The following CAMK2D variants were observed in gnomAD, a reference collection of about 807,000 sequenced individuals.
CAMK2D encodes the protein calcium/calmodulin dependent protein kinase II delta, also known as calcium/calmodulin-dependent protein kinase type II subunit delta.
Under a neutral mutation model 84.0 loss-of-function variants are expected in CAMK2D, and 37 were observed. The observed-to-expected ratio is 0.44, with a 90% confidence interval of 0.34 to 0.58. The LOEUF is 0.58. Ranked by LOEUF, CAMK2D falls within the 20% of genes least tolerant of loss-of-function variation. CAMK2D has a pLI of 0.02. For missense variants in CAMK2D, 448 were observed against 652.5 expected (o/e 0.69, Z 3.41); for synonymous variants, 202 against 212.5 (o/e 0.95, Z 0.43).
At chr4:113,572,624 A>T (rs1350814623) in intron 4 of CAMK2D, among the ~76,000 whole-genome samples, 7 of 152,336 alleles carry the variant, frequency 4.6e-5, no homozygotes, top group Admixed American at 4.6e-4. Flanking sequence ...TTAAAAAGTC[A>T]AAAAATAACA....
At chr4:113,670,718 T>G (rs1400769205) in intron 2 of CAMK2D, among the ~76,000 whole-genome samples, 1 of 147,896 alleles carries the variant, frequency 6.8e-6, no homozygotes, top group Non-Finnish European at 1.5e-5. Flanking sequence ...GGACCCAGAA[T>G]GGAAACAAGG....
At chr4:113,588,390 C>A (rs979167451) in intron 4 of CAMK2D, among the ~76,000 whole-genome samples, 10 of 152,162 alleles carry the variant, frequency 6.6e-5, no homozygotes, top group African/African-American at 2.4e-4. Context: ...TTAAGTACAT[C>A]ATAAATACCA....
At chr4:113,726,874 C>T (rs1033750328) in intron 2 of CAMK2D, among the ~76,000 whole-genome samples, 2 of 151,968 alleles carry the variant, frequency 1.3e-5, no homozygotes, top group African/African-American at 2.4e-5. Context: ...TTTTGAAACC[C>T]GATACAGTTC....
chr4:113,474,615 A>G (rs1250653395), intron 16 of CAMK2D, among the ~76,000 whole-genome samples: 2 of 149,468 alleles, frequency 1.3e-5, no homozygotes, highest in Non-Finnish European at 3.0e-5. Flanking sequence ...AACGGAGCAT[A>G]TATCTTTCAG....
At chr4:113,733,127 G>C (rs187717302) in intron 2 of CAMK2D, among the ~76,000 whole-genome samples, 13 of 152,306 alleles carry the variant, frequency 8.5e-5, no homozygotes, top group African/African-American at 2.6e-4. Flanking sequence ...TATGTGCAGA[G>C]ACAGAGACTG....
Position 113,482,697 on chromosome 4 carries a change from A to G in CAMK2D, c.1136-17093T>C, listed in dbSNP as rs933440929. 2.0e-5 allele frequency among the ~76,000 whole-genome samples: 3 copies of G among 152,252 alleles called. No homozygotes were observed. The South Asian group carries it at 6.2e-4, about 32-fold the overall frequency. On this transcript the variant is annotated intron_variant, in intron 16 of 20. Coordinates refer to ENST00000511664, the MANE Select transcript of CAMK2D (RefSeq NM_001321571.2). ...GTTTTTAAAGAAAACACAATTGAGTAGTTTGGAAATGTTCAGAACTCATCA... is the reference window on the plus strand; with the variant it reads ...GTTTTTAAAGAAAACACAATTGAGTGGTTTGGAAATGTTCAGAACTCATCA...
chr4:113,488,034 T>A (rs1422422636), intron 16 of CAMK2D, among the ~76,000 whole-genome samples: 1 of 151,996 alleles, frequency 6.6e-6, no homozygotes, highest in Non-Finnish European at 1.5e-5. Context: ...TCAAATCAGA[T>A]CCTTGCTGAC....
intron 2 of CAMK2D, among the ~76,000 whole-genome samples, chr4:113,674,237 T>C (rs958983484): frequency 2.6e-5 from 4 of 152,262 alleles, no homozygotes; most frequent in African/African-American, 9.6e-5. Flanking sequence ...ATCATCTTAT[T>C]GATTCTGATA....
At chr4:113,663,591 A>G (rs1204816476) in intron 2 of CAMK2D, among the ~76,000 whole-genome samples, 1 of 78,662 alleles carries the variant, frequency 1.3e-5, no homozygotes, top group East Asian at 4.8e-4. Context: ...TCTGTCTAAA[A>G]ATAATAATAA....
At chr4:113,460,907 G>A (rs912910671) in intron 17 of CAMK2D, among the ~76,000 whole-genome samples, 1 of 151,948 alleles carries the variant, frequency 6.6e-6, no homozygotes, top group Non-Finnish European at 1.5e-5. Flanking sequence ...GCCCAGGCTC[G>A]TCTCGGACTC....
chr4:113,494,558 A>G (rs2154143049), intron 16 of CAMK2D, among the ~76,000 whole-genome samples: 1 of 152,332 alleles, frequency 6.6e-6, no homozygotes, highest in East Asian at 1.9e-4. Flanking sequence ...TCAGACAGGG[A>G]CATTTAAGTC....
chr4:113,745,515 A>T (rs1339830443), intron 2 of CAMK2D, among the ~76,000 whole-genome samples: 1 of 152,146 alleles, frequency 6.6e-6, no homozygotes, highest in African/African-American at 2.4e-5. Context: ...GTCATATGTT[A>T]TTATCTTCAT....
chr4:113,522,470 C>T (rs1268616216), intron 8 of CAMK2D, among the ~76,000 whole-genome samples: 1 of 152,106 alleles, frequency 6.6e-6, no homozygotes, highest in Non-Finnish European at 1.5e-5. Flanking sequence ...ACCTAAATGG[C>T]CAATGAAGGG....
intron 2 of CAMK2D, among the ~76,000 whole-genome samples, chr4:113,714,275 C>T (rs2099505752): frequency 6.6e-6 from 1 of 152,018 alleles, no homozygotes; most frequent in African/African-American, 2.4e-5. Context: ...TTTCCTTTTC[C>T]CTGTACCAAT....
intron 4 of CAMK2D, among the ~76,000 whole-genome samples, chr4:113,555,601 C>A (rs903663692): frequency 6.6e-6 from 1 of 152,184 alleles, no homozygotes. Flanking sequence ...TGCTGCCTTG[C>A]ATTTAAGCAA....
intron 2 of CAMK2D, among the ~76,000 whole-genome samples, chr4:113,682,442 A>C (rs1316464665): frequency 1.3e-5 from 2 of 152,020 alleles, no homozygotes; most frequent in East Asian, 3.8e-4. Context: ...GAATATTATC[A>C]TTCACCATTT....
chr4:113,500,012 T>C (rs907440409), intron 16 of CAMK2D, among the ~76,000 whole-genome samples: 4 of 126,222 alleles, frequency 3.2e-5, no homozygotes, highest in African/African-American at 1.3e-4. Flanking sequence ...GGCGGCCAAA[T>C]AGAAAATTCT....
intron 2 of CAMK2D, among the ~76,000 whole-genome samples, chr4:113,681,655 G>A (rs907213678): frequency 2.6e-5 from 4 of 152,126 alleles, no homozygotes; most frequent in South Asian, 2.1e-4. Context: ...AGATTATTTT[G>A]AGTAACAAAA....
intron 3 of CAMK2D, among the ~76,000 whole-genome samples, chr4:113,654,740 C>T (rs2154305041): frequency 6.6e-6 from 1 of 152,046 alleles, no homozygotes; most frequent in East Asian, 1.9e-4. Context: ...AAATCATATA[C>T]ATTTGGAAAA....
Sources: allele counts gnomAD v4.1 joint callset (sites outside exome capture counted in the v4.1 genomes callset), GRCh38; gene constraint gnomAD v4.1.1; transcripts MANE v1.5; gene names NCBI Gene and HGNC (gene_info 2026-07-23, HGNC 2026-07-21).